The following NAPEPLD variants were observed in gnomAD, a reference collection of about 807,000 sequenced individuals.
The protein encoded by NAPEPLD is N-acyl-phosphatidylethanolamine-hydrolyzing phospholipase D.
Under a neutral mutation model 38.1 loss-of-function variants are expected in NAPEPLD, and 23 were observed. The ratio of observed to expected loss-of-function variants is 0.60; its 90% CI spans 0.43 to 0.86. NAPEPLD has a LOEUF of 0.86. Ranked by LOEUF, NAPEPLD falls within the 40% of genes least tolerant of loss-of-function variation. The pLI is 0.00. For missense variants in NAPEPLD, 411 were observed against 476.8 expected (o/e 0.86, Z 1.28); for synonymous variants, 147 against 162.0 (o/e 0.91, Z 0.71).
At chr7:103,109,626 A>C (rs1022326085) in intron 4 of NAPEPLD, among the ~76,000 whole-genome samples, 2 of 152,192 alleles carry the variant, frequency 1.3e-5, no homozygotes, top group African/African-American at 2.4e-5. Context: ...TATAGCATTA[A>C]ATGCCCACAA....
At chr7:103,141,072 G>T (rs1811200559) in intron 1 of NAPEPLD, among the ~76,000 whole-genome samples, 1 of 151,894 alleles carries the variant, frequency 6.6e-6, no homozygotes, top group Admixed American at 6.6e-5. Flanking sequence ...CTATCATATT[G>T]TTCCCCCCAT....
At chr7:103,115,293 G>T in intron 3 of NAPEPLD, 119 bp from the exon 4 acceptor site, 1 of 669,898 alleles carries the variant, frequency 1.5e-6, no homozygotes, top group Non-Finnish European at 2.5e-6. Context: ...TGAGAATTAA[G>T]AACCACTGGG....
chr7:103,103,338 A>T lies in NAPEPLD; in HGVS notation c.*91T>A. 1 of 1,381,614 alleles carries T rather than the reference A, an allele frequency of 7.2e-7. No individual in the cohort carries two copies. 85.6% of individuals were successfully genotyped at this position (1,381,614 alleles called of 1,614,324 possible). A position where few individuals can be genotyped will look rare whatever the true frequency, so the allele number is the denominator to read the frequency against. On this transcript the variant is annotated 3_prime_UTR_variant, in exon 5 of 5. Transcript: ENST00000465647. ...CAGAAGTTGTTTCCAAATGTAAAAT[A>T]ATCACAATATTCATGAATTTCTAAG...
At chr7:103,108,810 G>A (rs953468784) in intron 4 of NAPEPLD, among the ~76,000 whole-genome samples, 1 of 152,096 alleles carries the variant, frequency 6.6e-6, no homozygotes, top group Non-Finnish European at 1.5e-5. Flanking sequence ...TGGATAAAGA[G>A]TCAAGACCCA....
rs1585805038 is a variant in NAPEPLD, at chr7:103,100,157, A to G, written c.*3272T>C. ...TTTTACATTAGAAAAAGGACTCAGT[A>G]TAAGGTGAAAACAAAATTCCCAGTG... On this transcript the variant is annotated 3_prime_UTR_variant, in exon 5 of 5. Transcript: ENST00000465647. The G allele has an allele frequency of 6.6e-6, 1 of 152,138 alleles. No individual in the cohort carries two copies. Among genetic ancestry groups the G allele is most frequent in the East Asian group, 1.9e-4 (1 of 5,184 alleles). 9.4% of individuals were successfully genotyped at this position (152,138 alleles called of 1,614,324 possible). A position where few individuals can be genotyped will look rare whatever the true frequency, so the allele number is the denominator to read the frequency against.
intron 4 of NAPEPLD, among the ~76,000 whole-genome samples, chr7:103,109,446 C>A (rs1250213912): frequency 6.6e-6 from 1 of 152,168 alleles, no homozygotes; most frequent in Non-Finnish European, 1.5e-5. Flanking sequence ...CAAAACCACA[C>A]AACTGCATGG....
chr7:103,141,323 A>G (rs1469836165), intron 1 of NAPEPLD: 2 of 600,418 alleles, frequency 3.3e-6, no homozygotes, highest in Non-Finnish European at 6.2e-6. Context: ...CACGGAGGCC[A>G]GTATGTACAC....
chr7:103,107,025 C>A (rs1803512687), intron 4 of NAPEPLD, among the ~76,000 whole-genome samples: 1 of 152,134 alleles, frequency 6.6e-6, no homozygotes, highest in Admixed American at 6.5e-5. Context: ...CTGACGGGTG[C>A]CCTTCTGGGA....
chr7:103,149,290 G>C (rs1291701054), upstream of NAPEPLD: 1 of 1,069,550 alleles, frequency 9.3e-7, no homozygotes, highest in African/African-American at 1.7e-5. Flanking sequence ...TCGCGCTTGG[G>C]GTGGCCGGGA....
At chr7:103,112,416 T>G (rs1465868163) in intron 4 of NAPEPLD, among the ~76,000 whole-genome samples, 1 of 152,164 alleles carries the variant, frequency 6.6e-6, no homozygotes, top group Non-Finnish European at 1.5e-5. Context: ...TGGAATACTA[T>G]GCAGCCATAG....
chr7:103,149,155 C>G, upstream of NAPEPLD: 1 of 991,452 alleles, frequency 1.0e-6, no homozygotes, highest in Non-Finnish European at 1.2e-6. Flanking sequence ...CAGAGCACAG[C>G]AGGCGGGAGA....
intron 1 of NAPEPLD, chr7:103,129,370 T>C (rs1166697851): frequency 1.0e-6 from 1 of 972,602 alleles, no homozygotes; most frequent in Admixed American, 6.2e-5. Flanking sequence ...CATGTAAGCA[T>C]ATTAAATTTT....
intron 1 of NAPEPLD, among the ~76,000 whole-genome samples, chr7:103,146,492 T>C (rs71572217): frequency 6.6e-6 from 1 of 152,180 alleles, no homozygotes; most frequent in Admixed American, 6.5e-5. Context: ...TATATTACTG[T>C]CCCTTAATCT....
chr7:103,122,602 C>G (rs1806941626), intron 2 of NAPEPLD, among the ~76,000 whole-genome samples: 1 of 152,130 alleles, frequency 6.6e-6, no homozygotes, highest in Non-Finnish European at 1.5e-5. Flanking sequence ...ATCTGGAAAA[C>G]AGGTGTAATA....
intron 4 of NAPEPLD, among the ~76,000 whole-genome samples, chr7:103,107,522 G>T (rs1803619626): frequency 6.6e-6 from 1 of 152,056 alleles, no homozygotes; most frequent in Non-Finnish European, 1.5e-5. Context: ...TAGACAAATT[G>T]CTAACTAGAA....
intron 2 of NAPEPLD, among the ~76,000 whole-genome samples, chr7:103,123,986 A>C (rs75749479): frequency 0.06 from 9,060 of 152,240 alleles, 325 homozygotes; most frequent in South Asian, 0.11. Context: ...TGTGAAGCCT[A>C]TATCATGTTA....
At position 103,132,027 on chromosome 7, in the gene NAPEPLD, T is replaced by A. The variant is rs181177888; in HGVS notation, c.-16-3235A>T. Among the ~76,000 whole-genome samples, 252 of 152,222 alleles carry A rather than the reference T, an allele frequency of 1.7e-3. 3 individuals carry two copies. Among genetic ancestry groups the A allele is most frequent in the Admixed American group, 6.9e-3 (106 of 15,286 alleles). ...AACTTGGGAGCCTGAGGCAGGAGAA[T>A]TGCTTGAACCCAGGAGGCGGAGGTT... On this transcript the variant is annotated intron_variant, in intron 1 of 4. Transcript: ENST00000465647.
chr7:103,138,000 C>T (rs7796678), intron 1 of NAPEPLD, among the ~76,000 whole-genome samples: 76,290 of 146,244 alleles, frequency 0.52, 22,738 homozygotes, highest in Non-Finnish European at 0.66. Context: ...TTTTTTGAGA[C>T]GGAGTCGCGT....
chr7:103,128,812 A>G lies in NAPEPLD; in HGVS notation c.-16-20T>C. 6.3e-7 allele frequency: 1 copy of G among 1,589,442 alleles called. No homozygotes were observed. The highest frequency in any genetic ancestry group is 8.5e-7 in the Non-Finnish European group (1 of 1,171,316). ...GAAGAACTAAAAAAAACAAGGGGGAAAAATACTGAGTTGAACATAAAGGCA... is the reference window on the plus strand; with the variant it reads ...GAAGAACTAAAAAAAACAAGGGGGAGAAATACTGAGTTGAACATAAAGGCA... On this transcript the variant is annotated intron_variant, in intron 1 of 4. Transcript: ENST00000465647.
Sources: gnomAD v4.1 joint callset for allele counts (sites outside exome capture counted in the v4.1 genomes callset) on GRCh38, gnomAD v4.1.1 for gene constraint, MANE v1.5 for transcripts, NCBI Gene and HGNC (gene_info 2026-07-23, HGNC 2026-07-21) for gene names.